CSGALNACT1: variants seen among roughly 807,000 people sequenced by gnomAD.
CSGALNACT1 encodes the protein chondroitin sulfate N-acetylgalactosaminyltransferase 1.
A neutral mutation model predicts 51.0 loss-of-function variants in CSGALNACT1; 52 were observed. The observed-to-expected ratio is 1.02, with a 90% CI of 0.82 to 1.29. CSGALNACT1 has a LOEUF of 1.29. CSGALNACT1 is among the 50% of genes most tolerant of loss of function. The pLI, the probability that CSGALNACT1 is intolerant of heterozygous loss-of-function variation, is 0.00. For synonymous variants in CSGALNACT1, 341 were observed against 254.4 expected (o/e 1.34, Z -3.24); for missense variants, 935 against 679.2 (o/e 1.38, Z -4.19).
At chr8:19,680,339 T>C (rs753867203) in intron 1 of CSGALNACT1, among the ~76,000 whole-genome samples, 20 of 152,328 alleles carry the variant, frequency 1.3e-4, no homozygotes, top group Non-Finnish European at 2.1e-4. Flanking sequence ...GTGGATCACC[T>C]GAGGTCAGAA....
At chr8:19,573,574 G>C (rs1011289336) in intron 3 of CSGALNACT1, among the ~76,000 whole-genome samples, 15 of 152,014 alleles carry the variant, frequency 9.9e-5, no homozygotes, top group African/African-American at 3.6e-4. Flanking sequence ...TTCCCATGTA[G>C]CTGGTATTAT....
At chr8:19,679,690 T>G (rs973858322) in intron 1 of CSGALNACT1, among the ~76,000 whole-genome samples, 1 of 152,172 alleles carries the variant, frequency 6.6e-6, no homozygotes, top group African/African-American at 2.4e-5. Flanking sequence ...GACAGTCATG[T>G]GCCATCAATA....
intron 3 of CSGALNACT1, among the ~76,000 whole-genome samples, chr8:19,533,455 T>C (rs2083172795): frequency 6.6e-6 from 1 of 152,180 alleles, no homozygotes; most frequent in African/African-American, 2.4e-5. Flanking sequence ...AATTTCCCTA[T>C]TTTTAATTTA....
At chr8:19,712,198 T>G (rs1454752692) in intron 1 of CSGALNACT1, among the ~76,000 whole-genome samples, 1 of 152,142 alleles carries the variant, frequency 6.6e-6, no homozygotes, top group African/African-American at 2.4e-5. Flanking sequence ...GCTAATTTTT[T>G]GTATTTTTAG....
At chr8:19,530,656 A>C (rs988798380) in intron 3 of CSGALNACT1, among the ~76,000 whole-genome samples, 11 of 152,098 alleles carry the variant, frequency 7.2e-5, no homozygotes, top group Admixed American at 3.9e-4. Flanking sequence ...GCTTGAACCC[A>C]AGAGATCGGG....
At chr8:19,745,341 C>T (rs1038775363) in intron 1 of CSGALNACT1, among the ~76,000 whole-genome samples, 2 of 152,238 alleles carry the variant, frequency 1.3e-5, no homozygotes, top group South Asian at 4.1e-4. Context: ...TACATACAAT[C>T]CCACTTTTGA....
rs534712720 is a variant in CSGALNACT1 at position 19,474,189 on chromosome 8, C to T, written c.635-15547G>A. On this transcript the variant is annotated intron_variant, in intron 4 of 9. Transcript: ENST00000454498. ...CTATAACAAAGCCTGGATTTCTTGTCTCTGTGGGCTCCATGGAAGTCTTCA... is the reference window on the plus strand; with the variant it reads ...CTATAACAAAGCCTGGATTTCTTGTTTCTGTGGGCTCCATGGAAGTCTTCA... 1.5e-4 allele frequency among the ~76,000 whole-genome samples: 23 copies of T among 152,200 alleles called. No homozygotes were observed. The South Asian group carries it at 4.8e-3, about 32-fold the overall frequency.
chr8:19,489,936 C>T (rs921581591), intron 4 of CSGALNACT1, among the ~76,000 whole-genome samples: 13 of 152,202 alleles, frequency 8.5e-5, no homozygotes, highest in African/African-American at 1.9e-4. Flanking sequence ...TCTCCTTCTA[C>T]ACCTTGAATG....
At chr8:19,724,516 C>A (rs1472550311) in intron 1 of CSGALNACT1, among the ~76,000 whole-genome samples, 1 of 152,200 alleles carries the variant, frequency 6.6e-6, no homozygotes, top group Non-Finnish European at 1.5e-5. Context: ...TGATACTGAA[C>A]CCACCCAGAT....
intron 1 of CSGALNACT1, among the ~76,000 whole-genome samples, chr8:19,609,709 T>C (rs1017998320): frequency 6.6e-6 from 1 of 152,142 alleles, no homozygotes; most frequent in Non-Finnish European, 1.5e-5. Context: ...GTCAGATTAC[T>C]GACGGGCACA....
chr8:19,432,919 C>T (rs999033535), intron 6 of CSGALNACT1, among the ~76,000 whole-genome samples: 1 of 152,092 alleles, frequency 6.6e-6, no homozygotes, highest in African/African-American at 2.4e-5. Context: ...TTAAGTCAAA[C>T]ATCTAAGCTT....
At chr8:19,579,770 T>C (rs568554579) in intron 3 of CSGALNACT1, among the ~76,000 whole-genome samples, 1 of 152,192 alleles carries the variant, frequency 6.6e-6, no homozygotes, top group Non-Finnish European at 1.5e-5. Context: ...TCTTTTCCCA[T>C]AGGAAAACCT....
intron 1 of CSGALNACT1, among the ~76,000 whole-genome samples, chr8:19,656,676 A>G (rs1169038185): frequency 6.6e-6 from 1 of 151,816 alleles, no homozygotes; most frequent in Non-Finnish European, 1.5e-5. Context: ...AATCATGTCT[A>G]AAAGAAATAA....
intron 3 of CSGALNACT1, among the ~76,000 whole-genome samples, chr8:19,551,905 T>G (rs887826532): frequency 6.6e-6 from 1 of 152,172 alleles, no homozygotes; most frequent in African/African-American, 2.4e-5. Context: ...TAACCGTAAG[T>G]TCAAAAATCT....
intron 1 of CSGALNACT1, among the ~76,000 whole-genome samples, chr8:19,630,825 G>C (rs1181965343): frequency 6.6e-6 from 1 of 151,408 alleles, no homozygotes; most frequent in Non-Finnish European, 1.5e-5. Flanking sequence ...AACAGACTAA[G>C]AACAGTTTTA....
At chr8:19,739,001 A>C (rs1467372094) in intron 1 of CSGALNACT1, among the ~76,000 whole-genome samples, 3 of 152,154 alleles carry the variant, frequency 2.0e-5, no homozygotes, top group Non-Finnish European at 4.4e-5. Context: ...AAAAAGAGAT[A>C]CTTTTTGAGA....
intron 5 of CSGALNACT1, among the ~76,000 whole-genome samples, chr8:19,451,511 G>C (rs79829554): frequency 0.03 from 4,642 of 152,232 alleles, 235 homozygotes; most frequent in African/African-American, 0.11. Context: ...GTGCACCCAG[G>C]AATAAATTTT....
intron 4 of CSGALNACT1, among the ~76,000 whole-genome samples, chr8:19,490,074 A>G (rs1014938227): frequency 6.6e-6 from 1 of 152,130 alleles, no homozygotes; most frequent in Non-Finnish European, 1.5e-5. Flanking sequence ...AATATTTCTA[A>G]CTCTGGGATT....
At chr8:19,519,765 T>C (rs142968957) in intron 3 of CSGALNACT1, among the ~76,000 whole-genome samples, 57 of 152,340 alleles carry the variant, frequency 3.7e-4, no homozygotes, top group Middle Eastern at 3.4e-3. Context: ...AGTCACCTAA[T>C]GGCTGCTGTA....
Sources: gnomAD v4.1 joint callset for allele counts (sites outside exome capture counted in the v4.1 genomes callset) on GRCh38, gnomAD v4.1.1 for gene constraint, MANE v1.5 for transcripts, NCBI Gene and HGNC (gene_info 2026-07-23, HGNC 2026-07-21) for gene names.